TULP3: variants seen among roughly 807,000 people sequenced by gnomAD.
TULP3 encodes the protein TUB like protein 3.
A neutral mutation model predicts 50.7 loss-of-function variants in TULP3; 38 were observed. The observed-to-expected ratio is 0.75, with a 90% CI of 0.58 to 0.98. TULP3 has a LOEUF of 0.98. Among genes scored for constraint, TULP3 ranks in the 50% least tolerant of loss-of-function variants. The probability of loss-of-function intolerance (pLI) is 0.00; values close to 1 mark genes in which losing one functional copy is unlikely to be tolerated. For synonymous variants in TULP3, 183 were observed against 196.6 expected (o/e 0.93, Z 0.58); for missense variants, 550 against 568.0 (o/e 0.97, Z 0.32).
chr12:2,893,991 G>A (rs2153947301), intron 1 of TULP3, among the ~76,000 whole-genome samples: 2 of 152,048 alleles, frequency 1.3e-5, no homozygotes, highest in Middle Eastern at 3.4e-3. Context: ...GGTGAAATTT[G>A]AAACAACACT....
intron 6 of TULP3, 109 bp from the exon 7 acceptor site, chr12:2,933,309 G>A (rs1158559115): frequency 3.0e-6 from 2 of 677,174 alleles, no homozygotes; most frequent in Non-Finnish European, 5.3e-6. Context: ...CTTGACATAT[G>A]CTGAGGACTT....
intron 8 of TULP3, 117 bp downstream of exon 8, chr12:2,934,678 G>C: frequency 1.8e-6 from 1 of 550,718 alleles, no homozygotes; most frequent in East Asian, 3.3e-5. Context: ...TGTGATTTCT[G>C]TTGCTGTACC....
chr12:2,890,920 C>G lies in TULP3; in HGVS notation c.-28C>G. 6.3e-7 allele frequency: 1 copy of G among 1,583,500 alleles called. No individual in the cohort carries two copies. Among genetic ancestry groups the G allele is most frequent in the South Asian group, 1.1e-5 (1 of 87,136 alleles). ...TAGCGACGGCGGGGAAGAGTGTGTACGTGGTGGGGGCTTCCTCGGTGGCGG... is the reference window on the plus strand; with the variant it reads ...TAGCGACGGCGGGGAAGAGTGTGTAGGTGGTGGGGGCTTCCTCGGTGGCGG... On this transcript the variant is annotated 5_prime_UTR_variant, in exon 1 of 11. Coordinates refer to ENST00000448120, the MANE Select transcript of TULP3 (RefSeq NM_003324.5).
At chr12:2,927,148 G>C (rs1380635311) in intron 4 of TULP3, among the ~76,000 whole-genome samples, 1 of 151,966 alleles carries the variant, frequency 6.6e-6, no homozygotes, top group Non-Finnish European at 1.5e-5. Flanking sequence ...TTTGTGTCTA[G>C]TGTTTTACTT....
chr12:2,921,017 A>AAAT, intron 3 of TULP3, 95 bp downstream of exon 3: 1 of 1,400,020 alleles, frequency 7.1e-7, no homozygotes, highest in Non-Finnish European at 9.9e-7. Flanking sequence ...GGACAATATT[A>AAAT]TTAGCACCAT....
At chr12:2,909,623 T>C in intron 2 of TULP3, 43 bp downstream of exon 2, 2 of 1,549,452 alleles carry the variant, frequency 1.3e-6, no homozygotes, top group South Asian at 1.2e-5. Flanking sequence ...CCAACTATAC[T>C]GACCGTGATG....
chr12:2,895,376 A>G (rs2098174962), intron 1 of TULP3, among the ~76,000 whole-genome samples: 1 of 152,198 alleles, frequency 6.6e-6, no homozygotes, highest in African/African-American at 2.4e-5. Context: ...CAAGTAGAGG[A>G]CAGCTGAGCT....
chr12:2,916,351 A>G (rs1181046601), intron 2 of TULP3, among the ~76,000 whole-genome samples: 1 of 152,058 alleles, frequency 6.6e-6, no homozygotes, highest in African/African-American at 2.4e-5. Context: ...ATTTCCACCT[A>G]TCTGATCTCC....
At chr12:2,916,918 G>T (rs1479856535) in intron 2 of TULP3, among the ~76,000 whole-genome samples, 2 of 151,908 alleles carry the variant, frequency 1.3e-5, no homozygotes, top group South Asian at 2.1e-4. Flanking sequence ...TGGTCTAAAT[G>T]AGTTTGATTT....
rs1446291865 is a variant in TULP3 at position 2,930,272 on chromosome 12, A to G, written c.419A>G (p.Asp140Gly). The G allele has an allele frequency of 4.3e-6, 7 of 1,612,634 alleles. No homozygotes were observed. The highest frequency in any genetic ancestry group is 5.9e-6 in the Non-Finnish European group (7 of 1,179,336). ...GATATCTCTGAAAGTGTGAACTTCG[A>G]TGAGGAGACTGATGGAATATCCCAG... ...KHDISESVNF[D>G]EETDGISQSA... The change falls in exon 5 of 11, where the codon GAT becomes GGT. Residue 140 changes from aspartate (D) to glycine (G), a missense_variant. Asp to Gly is a moderately conservative substitution (Grantham distance 94). Transcript: ENST00000448120.
At chr12:2,930,194 A>C in intron 4 of TULP3, 54 bp from the exon 5 acceptor site, 1 of 1,240,804 alleles carries the variant, frequency 8.1e-7, no homozygotes, top group Non-Finnish European at 1.1e-6. Context: ...CTTTGTTTCA[A>C]AGACCTTTTT....
intron 4 of TULP3, among the ~76,000 whole-genome samples, chr12:2,922,710 G>A (rs1412632761): frequency 1.3e-5 from 2 of 152,110 alleles, no homozygotes; most frequent in African/African-American, 4.8e-5. Context: ...TTCTGACAGA[G>A]TTGTCACTCA....
At chr12:2,930,408 G>T in intron 5 of TULP3, 63 bp downstream of exon 5, 1 of 1,050,416 alleles carries the variant, frequency 9.5e-7, no homozygotes. Flanking sequence ...CATATCTTCA[G>T]TATTTATTTA....
chr12:2,905,843 T>G (rs2153948540), intron 1 of TULP3, among the ~76,000 whole-genome samples: 1 of 151,670 alleles, frequency 6.6e-6, no homozygotes, highest in South Asian at 2.1e-4. Context: ...TTAGCATGGG[T>G]GGGGAATGAT....
intron 1 of TULP3, among the ~76,000 whole-genome samples, chr12:2,907,709 A>G (rs967213700): frequency 7.9e-6 from 1 of 125,844 alleles, no homozygotes; most frequent in African/African-American, 3.3e-5. Flanking sequence ...CTAGCACTCT[A>G]GTTTTGTTTT....
At chr12:2,930,575 C>G (rs1270864435) in intron 5 of TULP3, among the ~76,000 whole-genome samples, 1 of 152,130 alleles carries the variant, frequency 6.6e-6, no homozygotes, top group Non-Finnish European at 1.5e-5. Flanking sequence ...AGGCGCCCGC[C>G]ATGACACCCG....
At chr12:2,921,114 T>A (rs1282963124) in intron 3 of TULP3, among the ~76,000 whole-genome samples, 192 bp downstream of exon 3, 4 of 152,116 alleles carry the variant, frequency 2.6e-5, no homozygotes, top group African/African-American at 9.7e-5. Context: ...GAAGATGCCT[T>A]AAGGTTTGCG....
At chr12:2,910,486 G>A (rs935335298) in intron 2 of TULP3, among the ~76,000 whole-genome samples, 1 of 152,162 alleles carries the variant, frequency 6.6e-6, no homozygotes, top group African/African-American at 2.4e-5. Flanking sequence ...TAAATGAACG[G>A]TTTTGTGTTG....
At chr12:2,921,013 T>A (rs2098191369) in intron 3 of TULP3, 91 bp downstream of exon 3, 1 of 1,464,766 alleles carries the variant, frequency 6.8e-7, no homozygotes, top group African/African-American at 1.4e-5. Context: ...AAAGGGACAA[T>A]ATTATTAGCA....
Sources: gnomAD v4.1 joint callset for allele counts (sites outside exome capture counted in the v4.1 genomes callset) on GRCh38, gnomAD v4.1.1 for gene constraint, MANE v1.5 for transcripts, NCBI Gene and HGNC (gene_info 2026-07-23, HGNC 2026-07-21) for gene names.